The following CTNND2 variants were observed in gnomAD, a reference collection of about 807,000 sequenced individuals.
The protein encoded by CTNND2 is catenin delta-2.
Under a neutral mutation model 144.4 loss-of-function variants are expected in CTNND2, and 22 were observed. That is an observed-to-expected ratio of 0.15 (90% confidence interval 0.11 to 0.22). The LOEUF is 0.22. Among genes scored for constraint, CTNND2 ranks in the 10% least tolerant of loss-of-function variants. The pLI is 1.00. For synonymous variants in CTNND2, 751 were observed against 695.6 expected (o/e 1.08, Z -1.25); for missense variants, 1,353 against 1,618.8 (o/e 0.84, Z 2.82).
At chr5:11,812,366 C>A (rs1487453419) in intron 1 of CTNND2, among the ~76,000 whole-genome samples, 4 of 152,162 alleles carry the variant, frequency 2.6e-5, no homozygotes, top group African/African-American at 9.7e-5. Context: ...GCTTTCTATT[C>A]TTTCATAACT....
chr5:11,306,587 A>G (rs1346983155), intron 9 of CTNND2, among the ~76,000 whole-genome samples: 2 of 152,180 alleles, frequency 1.3e-5, no homozygotes, highest in African/African-American at 4.8e-5. Flanking sequence ...TTGGAAACAA[A>G]AAGACTTTTG....
chr5:11,578,919 G>C (rs916919274), intron 2 of CTNND2, among the ~76,000 whole-genome samples: 1 of 152,136 alleles, frequency 6.6e-6, no homozygotes, highest in South Asian at 2.1e-4. Flanking sequence ...TGCTTAGGAA[G>C]TAATATATTC....
chr5:10,973,671 A>C lies in CTNND2; in HGVS notation c.3460T>G (p.Tyr1154Asp). The C allele has an allele frequency of 6.2e-7, 1 of 1,612,954 alleles. No homozygotes were observed. The highest frequency in any genetic ancestry group is 8.5e-7 in the Non-Finnish European group (1 of 1,179,392). Residue 1154 changes from tyrosine (Y) to aspartate (D), a missense_variant, in exon 22 of 22, where the codon TAC (tyrosine) becomes GAC (aspartate). Coordinates refer to ENST00000304623, the MANE Select transcript of CTNND2 (RefSeq NM_001332.4). The surrounding 1 kb of genome is among the most constrained non-coding windows in gnomAD (Gnocchi z 5.6). The part of the protein sequence containing the change: ...PVPQEPSRKD[Y>D]ETYQPFQNST... Reference sequence around the variant, plus strand: ...TTCTGAAATGGCTGGTAGGTCTCGTAATCTTTTCTGCTGGGCTCCTGTGGG... The same window carrying C: ...TTCTGAAATGGCTGGTAGGTCTCGTCATCTTTTCTGCTGGGCTCCTGTGGG...
chr5:11,050,932 C>G (rs915257983), intron 16 of CTNND2, among the ~76,000 whole-genome samples: 3 of 152,218 alleles, frequency 2.0e-5, no homozygotes, highest in African/African-American at 7.2e-5. Flanking sequence ...TAGGGCACAA[C>G]TGAAGCTTCC....
rs762996765 is a variant in CTNND2 at position 11,411,635 on chromosome 5, C to T, written c.340G>A (p.Glu114Lys). The T allele has an allele frequency of 5.6e-6, 9 of 1,606,512 alleles. No individual in the cohort carries two copies. Among genetic ancestry groups the T allele is most frequent in the Non-Finnish European group, 7.7e-6 (9 of 1,174,156 alleles). Residue 114 changes from glutamate to lysine, a missense_variant, in exon 5 of 22, where the codon GAA becomes AAA. Glu to Lys is a moderately conservative substitution (Grantham distance 56). Coordinates refer to ENST00000304623, the MANE Select transcript of CTNND2 (RefSeq NM_001332.4). ...WQSQDGQKDI[E>K]DELTTGLELV... ...TCGAGACCTGTTGTAAGCTCATCTTCGATATCTTTTTGACCATCTGAAATG... is the reference window on the plus strand; with the variant it reads ...TCGAGACCTGTTGTAAGCTCATCTTTGATATCTTTTTGACCATCTGAAATG...
intron 3 of CTNND2, among the ~76,000 whole-genome samples, chr5:11,542,616 A>G (rs1774863004): frequency 6.6e-6 from 1 of 152,248 alleles, no homozygotes; most frequent in Non-Finnish European, 1.5e-5. Context: ...ATACTTAAGA[A>G]GGCATATAAT....
At chr5:11,095,142 C>A (rs1251239586) in intron 15 of CTNND2, among the ~76,000 whole-genome samples, 2 of 152,158 alleles carry the variant, frequency 1.3e-5, no homozygotes, top group Non-Finnish European at 2.9e-5. Flanking sequence ...TCTTACTCTA[C>A]ACACCTAAAG....
intron 1 of CTNND2, among the ~76,000 whole-genome samples, chr5:11,814,797 G>A (rs927725694): frequency 2.0e-5 from 3 of 152,158 alleles, no homozygotes; most frequent in Admixed American, 2.0e-4. Flanking sequence ...TGAAAGGATA[G>A]CAGAATAGCA....
At chr5:11,535,969 G>A (rs1397908439) in intron 3 of CTNND2, among the ~76,000 whole-genome samples, 1 of 152,202 alleles carries the variant, frequency 6.6e-6, no homozygotes, top group Non-Finnish European at 1.5e-5. Context: ...TCACAGGCTT[G>A]TTATAGAATT....
chr5:11,569,511 G>A (rs1777391940), intron 2 of CTNND2, among the ~76,000 whole-genome samples: 1 of 152,034 alleles, frequency 6.6e-6, no homozygotes, highest in African/African-American at 2.4e-5. Context: ...TTAATTAAAT[G>A]GAGTTTATTA....
At chr5:11,680,099 C>T (rs1383909451) in intron 2 of CTNND2, among the ~76,000 whole-genome samples, 3 of 152,152 alleles carry the variant, frequency 2.0e-5, no homozygotes, top group East Asian at 1.9e-4. Flanking sequence ...TGAGGGAGAA[C>T]GTTCCAGACA....
At chr5:11,854,408 C>T (rs151041086) in intron 1 of CTNND2, among the ~76,000 whole-genome samples, 130 of 152,202 alleles carry the variant, frequency 8.5e-4, no homozygotes, top group African/African-American at 2.6e-3. Flanking sequence ...AGCTGGGCAC[C>T]GAATCCTAGC....
chr5:11,470,980 AT>A (rs1171276873), intron 3 of CTNND2, among the ~76,000 whole-genome samples: 3,950 of 91,386 alleles, frequency 0.043, 149 homozygotes, highest in East Asian at 0.074. Flanking sequence ...ATATATATAT[AT>A]TTTTTTTTTT....
intron 2 of CTNND2, among the ~76,000 whole-genome samples, chr5:11,688,616 C>T (rs928523781): frequency 1.3e-5 from 2 of 152,142 alleles, no homozygotes; most frequent in African/African-American, 2.4e-5. Flanking sequence ...GTGCTTTTTA[C>T]ATTTTAGTAA....
At chr5:11,172,229 G>A (rs141439576) in intron 11 of CTNND2, among the ~76,000 whole-genome samples, 4 of 152,182 alleles carry the variant, frequency 2.6e-5, no homozygotes, top group African/African-American at 9.6e-5. Flanking sequence ...AGGGACCACT[G>A]GGGCTGGGAG....
At chr5:11,289,432 A>T (rs1050747111) in intron 9 of CTNND2, among the ~76,000 whole-genome samples, 1 of 152,170 alleles carries the variant, frequency 6.6e-6, no homozygotes, top group Non-Finnish European at 1.5e-5. Flanking sequence ...ATCAAATTGG[A>T]TTTGGCCAAA....
At chr5:11,418,307 G>C (rs1762075967) in intron 3 of CTNND2, among the ~76,000 whole-genome samples, 1 of 152,168 alleles carries the variant, frequency 6.6e-6, no homozygotes, top group Non-Finnish European at 1.5e-5. Flanking sequence ...TTGGGAGGCT[G>C]AGGCAGGAGA....
intron 3 of CTNND2, among the ~76,000 whole-genome samples, chr5:11,540,529 T>G (rs2150068635): frequency 6.6e-6 from 1 of 152,308 alleles, no homozygotes; most frequent in South Asian, 2.1e-4. Context: ...TTTGTTTGTT[T>G]GTTTTGAGAA....
intron 1 of CTNND2, among the ~76,000 whole-genome samples, chr5:11,763,133 G>T (rs1053733350): frequency 6.6e-6 from 1 of 152,160 alleles, no homozygotes; most frequent in Non-Finnish European, 1.5e-5. Context: ...GCCATGTGAA[G>T]ATGGTACATG....
Sources: gnomAD v4.1 joint callset for allele counts (sites outside exome capture counted in the v4.1 genomes callset) on GRCh38, gnomAD v4.1.1 for gene constraint, Gnocchi (gnomAD v3.1) non-coding constraint, MANE v1.5 for transcripts, NCBI Gene and HGNC (gene_info 2026-07-23, HGNC 2026-07-21) for gene names.